OTOF: variants seen among roughly 807,000 people sequenced by gnomAD.
The protein encoded by OTOF is otoferlin, also known as fer-1-like family member 2.
Under a neutral mutation model 236.8 loss-of-function variants are expected in OTOF, and 218 were observed. That is an observed-to-expected ratio of 0.92 (90% confidence interval 0.82 to 1.03). The LOEUF (loss-of-function observed/expected upper bound fraction) is 1.03. Ranked by LOEUF, OTOF falls within the 50% of genes least tolerant of loss-of-function variation. OTOF has a pLI of 0.00. For synonymous variants in OTOF, 1,041 were observed against 1,072.5 expected (o/e 0.97, Z 0.57); for missense variants, 2,590 against 2,694.4 (o/e 0.96, Z 0.86).
chr2:26,490,621 G>A (rs1306453571), intron 9 of OTOF, among the ~76,000 whole-genome samples: 2 of 152,298 alleles, frequency 1.3e-5, no homozygotes, highest in Non-Finnish European at 2.9e-5. Flanking sequence ...CCTGGCTGCT[G>A]GGGGCTGGCC....
intron 30 of OTOF, chr2:26,472,310 A>G (rs1260002749): frequency 3.2e-6 from 2 of 633,586 alleles, no homozygotes; most frequent in South Asian, 1.7e-5. Flanking sequence ...ACACATGCAC[A>G]TTTACATACC....
intron 8 of OTOF, among the ~76,000 whole-genome samples, chr2:26,500,714 A>G (rs751968557): frequency 2.0e-4 from 31 of 152,324 alleles, no homozygotes; most frequent in Non-Finnish European, 1.9e-4. Flanking sequence ...AAGGGAGATG[A>G]AGTATATTCT....
Position 26,483,455 on chromosome 2 carries a change from C to T in OTOF, c.1392+7G>A, listed in dbSNP as rs1665618267. 6.2e-7 allele frequency: 1 copy of T among 1,613,264 alleles called. No individual in the cohort carries two copies. The highest frequency in any genetic ancestry group is 1.3e-5 in the African/African-American group (1 of 74,916). On this transcript the variant is annotated splice_region_variant and intron_variant, in intron 13 of 46. Coordinates refer to ENST00000272371, the MANE Select transcript of OTOF (RefSeq NM_194248.3). ...GCCCCAGCCTCCTGTACCTCATACCCCAGTACCTTCTGGCCAGCAAAGAAG... is the reference window on the plus strand; with the variant it reads ...GCCCCAGCCTCCTGTACCTCATACCTCAGTACCTTCTGGCCAGCAAAGAAG...
chr2:26,457,759 G>T lies in OTOF; in HGVS notation c.*479C>A. 2 of 442,506 alleles carry T rather than the reference G, an allele frequency of 4.5e-6. No individual in the cohort carries two copies. Among genetic ancestry groups the T allele is most frequent in the South Asian group, 6.9e-5 (2 of 29,084 alleles). 27.4% of individuals were successfully genotyped at this position (442,506 alleles called of 1,614,324 possible). Reference sequence around the variant, plus strand: ...CTCTGGAGCCTGGGCCTGAAGAAGGGTGGCGCCTCAGCCAGGTGGGGCAAG... The same window carrying T: ...CTCTGGAGCCTGGGCCTGAAGAAGGTTGGCGCCTCAGCCAGGTGGGGCAAG... On this transcript the variant is annotated 3_prime_UTR_variant, in exon 47 of 47. Coordinates refer to ENST00000272371, the MANE Select transcript of OTOF (RefSeq NM_194248.3). This position sits in a 1 kb window ranked among gnomAD's most constrained non-coding sequence, Gnocchi z 4.4.
rs1286784320 is a variant in OTOF at position 26,462,884 on chromosome 2, A to T, written c.5192+599T>A. On this transcript the variant is annotated intron_variant, in intron 41 of 46. Coordinates refer to ENST00000272371, the MANE Select transcript of OTOF (RefSeq NM_194248.3). This position sits in a 1 kb window ranked among gnomAD's most constrained non-coding sequence, Gnocchi z 4.7. ...CATCCCTGAAGCTGGCCCTGAATCCAGTCACTGTCTGACAGCTGGACTTGA... is the reference window on the plus strand; with the variant it reads ...CATCCCTGAAGCTGGCCCTGAATCCTGTCACTGTCTGACAGCTGGACTTGA... 6.6e-6 allele frequency among the ~76,000 whole-genome samples: 1 copy of T among 152,230 alleles called. No homozygotes were observed. Among genetic ancestry groups the T allele is most frequent in the Non-Finnish European group, 1.5e-5 (1 of 68,036 alleles).
chr2:26,489,338 G>A, intron 10 of OTOF, 43 bp from the exon 11 acceptor site: 1 of 1,497,996 alleles, frequency 6.7e-7, no homozygotes, highest in Non-Finnish European at 9.2e-7. Context: ...CCCAGCAAGG[G>A]TGAGGCTTTC....
intron 1 of OTOF, among the ~76,000 whole-genome samples, chr2:26,540,184 G>A (rs527315498): frequency 1.3e-5 from 2 of 152,246 alleles, no homozygotes; most frequent in South Asian, 2.1e-4. Context: ...CTCCCACCTC[G>A]GCCTCCCAAA....
In OTOF at chr2:26,475,576, G is replaced by C; in HGVS notation, c.2992-83C>G. The C allele has an allele frequency of 2.0e-6, 3 of 1,472,812 alleles. No individual in the cohort carries two copies. In the South Asian group the frequency reaches 3.4e-5, roughly 17 times the overall value. 91.2% of individuals were successfully genotyped at this position (1,472,812 alleles called of 1,614,324 possible). ...AACAGAAGCCACCCCTACTCACTCA[G>C]CTTCCACGGAACCTGGGGGCAGGAG... On this transcript the variant is annotated intron_variant, in intron 24 of 46. Coordinates refer to ENST00000272371, the MANE Select transcript of OTOF (RefSeq NM_194248.3).
chr2:26,528,777 G>A (rs182892110), intron 2 of OTOF, among the ~76,000 whole-genome samples: 34 of 152,342 alleles, frequency 2.2e-4, no homozygotes, highest in Admixed American at 1.7e-3. Context: ...TCCTGGGATG[G>A]GAAAGAAGAC....
chr2:26,500,444 G>T (rs565520961), intron 8 of OTOF, among the ~76,000 whole-genome samples: 21 of 152,108 alleles, frequency 1.4e-4, no homozygotes, highest in Non-Finnish European at 2.8e-4. Context: ...TTGTTCTTTG[G>T]AATTCTCCAG....
At chr2:26,497,184 C>A (rs6727067) in intron 8 of OTOF, among the ~76,000 whole-genome samples, 41,382 of 148,790 alleles carry the variant, frequency 0.28, 7,436 homozygotes, top group East Asian at 0.54. Flanking sequence ...CTCACTGCAA[C>A]CTCCACCTCC....
chr2:26,501,275 A>G (rs1344980783), intron 8 of OTOF, among the ~76,000 whole-genome samples: 2 of 152,260 alleles, frequency 1.3e-5, no homozygotes, highest in Admixed American at 1.3e-4. Flanking sequence ...CAGAAAATAC[A>G]GAGAAGCAAA....
chr2:26,474,745 C>A (rs1298607812), intron 25 of OTOF, 71 bp from the exon 26 acceptor site: 1 of 1,546,100 alleles, frequency 6.5e-7, no homozygotes, highest in African/African-American at 1.4e-5. Context: ...TTGGTCCTTA[C>A]CACAGCGCCA....
At chr2:26,496,205 TC>T (rs1224521961) in intron 8 of OTOF, among the ~76,000 whole-genome samples, 1 of 151,910 alleles carries the variant, frequency 6.6e-6, no homozygotes, top group Non-Finnish European at 1.5e-5. Flanking sequence ...AACAAATTCT[TC>T]CTTGTGGAGC....
chr2:26,464,522 C>T (rs78981363), intron 39 of OTOF, among the ~76,000 whole-genome samples: 1 of 152,100 alleles, frequency 6.6e-6, no homozygotes, highest in Non-Finnish European at 1.5e-5. Flanking sequence ...GGACCTGGGC[C>T]GATGCCCTCG....
In OTOF at chr2:26,516,498, C is replaced by T. The variant is rs776594112; in HGVS notation, c.429G>A (p.Glu143=). Residue 143 remains glutamate (E), a synonymous_variant, in exon 5 of 47, where the codon GAG becomes GAA. Coordinates refer to ENST00000272371, the MANE Select transcript of OTOF (RefSeq NM_194248.3). ...GTCCATCCGTCTCTTGGCTGTCCTTCTCTTCCTCTTGAAGAGACTCATCTC... is the reference window on the plus strand; with the variant it reads ...GTCCATCCGTCTCTTGGCTGTCCTTTTCTTCCTCTTGAAGAGACTCATCTC... ...FLGDESLQEE[E]KDSQETDGLL... 4 of 1,613,808 alleles carry T rather than the reference C, an allele frequency of 2.5e-6. 1 individual carries two copies. In the South Asian group the frequency reaches 3.3e-5, roughly 13 times the overall value.
At chr2:26,547,321 A>G (rs985294443) in intron 1 of OTOF, among the ~76,000 whole-genome samples, 3 of 152,056 alleles carry the variant, frequency 2.0e-5, no homozygotes, top group Non-Finnish European at 4.4e-5. Flanking sequence ...GATAATACTC[A>G]CTTGTCATGA....
intron 26 of OTOF, 123 bp downstream of exon 26, chr2:26,474,390 C>A: frequency 1.4e-6 from 1 of 735,362 alleles, no homozygotes; most frequent in Non-Finnish European, 2.2e-6. Flanking sequence ...GCCTCCAGCC[C>A]CCAGGCCCCA....
chr2:26,473,050 C>A lies in OTOF; in HGVS notation c.3733+82G>T, dbSNP rs972532672. On this transcript the variant is annotated intron_variant, in intron 29 of 46. Coordinates refer to ENST00000272371, the MANE Select transcript of OTOF (RefSeq NM_194248.3). The surrounding 1 kb of genome is among the most constrained non-coding windows in gnomAD (Gnocchi z 7.2). ...GGCCCCAAAGAGCAAACTCTGGTCG[C>A]GGCTTGGACTGGGCGGAGACCTGGA... 12 of 1,440,428 alleles carry A rather than the reference C, an allele frequency of 8.3e-6. No individual in the cohort carries two copies. The highest frequency in any genetic ancestry group is 1.2e-5 in the South Asian group (1 of 82,460). The allele number at this position is 1,440,428 out of a possible 1,614,324, so 89.2% of individuals were successfully genotyped here. A position where few individuals can be genotyped will look rare whatever the true frequency, so the allele number is the denominator to read the frequency against.
Sources: gnomAD v4.1 joint callset for allele counts (sites outside exome capture counted in the v4.1 genomes callset) on GRCh38, gnomAD v4.1.1 for gene constraint, Gnocchi (gnomAD v3.1) non-coding constraint, MANE v1.5 for transcripts, NCBI Gene and HGNC (gene_info 2026-07-23, HGNC 2026-07-21) for gene names.